BAIAP2L1: variants seen among roughly 807,000 people sequenced by gnomAD.
BAIAP2L1 encodes the protein BAR/IMD domain-containing adapter protein 2-like 1.
In BAIAP2L1, 35 loss-of-function variants were observed where a neutral mutation model predicts 66.3. The observed-to-expected ratio is 0.53, with a 90% CI of 0.40 to 0.70. The LOEUF is 0.70. Ranked by LOEUF, BAIAP2L1 falls within the 30% of genes least tolerant of loss-of-function variation. BAIAP2L1 has a pLI of 0.00. For synonymous variants in BAIAP2L1, 269 were observed against 248.7 expected, an observed-to-expected ratio of 1.08 and a Z score of -0.77; for missense variants, 622 against 656.9, an observed-to-expected ratio of 0.95 and a Z score of 0.58.
At position 98,305,033 on chromosome 7, in the gene BAIAP2L1, TTTTTTTG is replaced by T. The variant is rs1350908045; in HGVS notation, c.1242-664_1242-658del. Among the ~76,000 whole-genome samples the T allele has an allele frequency of 1.9e-3, 244 of 130,786 alleles. 1 individual carries two copies. Among genetic ancestry groups the T allele is most frequent in the Non-Finnish European group, 2.8e-3 (178 of 64,328 alleles). 85.8% of individuals were successfully genotyped at this position (130,786 alleles called of 152,430 possible). A position where few individuals can be genotyped will look rare whatever the true frequency, so the allele number is the denominator to read the frequency against. On this transcript the variant is annotated intron_variant, in intron 11 of 13. Coordinates refer to ENST00000005260, the MANE Select transcript of BAIAP2L1 (RefSeq NM_018842.5). The stretch of plus-strand genomic sequence containing the variant: ...GGCGCCTGCCACCACGCCCAGCTAA[TTTTTTTG>T]TTTTTTGTTTTTTTTTTTTTTTTTT...
intron 9 of BAIAP2L1, chr7:98,309,976 A>T (rs2116870310): frequency 6.4e-6 from 1 of 156,752 alleles, no homozygotes; most frequent in Admixed American, 6.5e-5. Context: ...CAGCCTCCCG[A>T]GTAGCTGGGA....
At chr7:98,343,380 G>A (rs1296498351) in intron 3 of BAIAP2L1, among the ~76,000 whole-genome samples, 1 of 152,094 alleles carries the variant, frequency 6.6e-6, no homozygotes, top group Non-Finnish European at 1.5e-5. Flanking sequence ...GAGCCCAGGA[G>A]GTGGAGCTTG....
chr7:98,368,262 A>C (rs1187011253), intron 1 of BAIAP2L1, among the ~76,000 whole-genome samples: 2 of 151,950 alleles, frequency 1.3e-5, no homozygotes, highest in African/African-American at 2.4e-5. Flanking sequence ...CTACTAAAAA[A>C]TACAAAAATT....
At chr7:98,300,119 CTGCCCTGTG>C (rs1256474504) in intron 12 of BAIAP2L1, among the ~76,000 whole-genome samples, 1 of 152,232 alleles carries the variant, frequency 6.6e-6, no homozygotes, top group Non-Finnish European at 1.5e-5. Flanking sequence ...AAGTGCTCTG[CTGCCCTGTG>C]TGCCCTGTGG....
At chr7:98,387,141 G>A (rs895132105) in intron 1 of BAIAP2L1, among the ~76,000 whole-genome samples, 2 of 152,160 alleles carry the variant, frequency 1.3e-5, no homozygotes, top group Non-Finnish European at 1.5e-5. Flanking sequence ...GCCAGCCCCC[G>A]CTGGGACAGA....
chr7:98,362,186 A>C lies in BAIAP2L1; in HGVS notation c.127+171T>G, dbSNP rs113145744. ...ACTTTCATTCAATTGACTTGTTTCA[A>C]ATACGCTAATATCATTGTGTACTGT... On this transcript the variant is annotated intron_variant, in intron 2 of 13. Coordinates refer to ENST00000005260, the MANE Select transcript of BAIAP2L1 (RefSeq NM_018842.5). Among the ~76,000 whole-genome samples the C allele has an allele frequency of 4.6e-3, 701 of 152,344 alleles. 11 individuals carry two copies. Among genetic ancestry groups the C allele is most frequent in the African/African-American group, 0.016 (661 of 41,574 alleles).
At chr7:98,383,341 T>C (rs955831531) in intron 1 of BAIAP2L1, among the ~76,000 whole-genome samples, 1 of 149,866 alleles carries the variant, frequency 6.7e-6, no homozygotes, top group East Asian at 2.0e-4. Context: ...TGGAGTGCAA[T>C]GGTGCGATCT....
Position 98,310,562 on chromosome 7 carries a change from A to C in BAIAP2L1, c.838T>G (p.Cys280Gly), listed in dbSNP as rs757083747. The C allele has an allele frequency of 1.3e-6, 2 of 1,592,036 alleles. No homozygotes were observed. The highest frequency in any genetic ancestry group is 4.5e-5 in the East Asian group (2 of 44,068). ...VRKDYDTLSKCSPKMPPAPSG... is the reference protein window; with the variant it reads ...VRKDYDTLSKGSPKMPPAPSG... The stretch of plus-strand genomic sequence containing the variant: ...GGAGCGGGGGGCATCTTTGGTGAGC[A>C]TTTAGAAAGGGTGTCGTAATCTTTC... Residue 280 changes from cysteine (C) to glycine (G), a missense_variant, in exon 9 of 14, where the codon TGC becomes GGC. Physicochemically the swap from Cys to Gly is radical, Grantham distance 159. Transcript: ENST00000005260.
At chr7:98,378,322 G>A (rs1050038021) in intron 1 of BAIAP2L1, among the ~76,000 whole-genome samples, 7 of 152,156 alleles carry the variant, frequency 4.6e-5, no homozygotes, top group Non-Finnish European at 7.4e-5. Flanking sequence ...ATAAGTGAAT[G>A]TCATCAGTGA....
intron 12 of BAIAP2L1, among the ~76,000 whole-genome samples, chr7:98,300,369 T>C (rs1191349262): frequency 6.6e-6 from 1 of 152,224 alleles, no homozygotes; most frequent in Non-Finnish European, 1.5e-5. Context: ...GGATGAAACG[T>C]GGTCACTTGT....
intron 1 of BAIAP2L1, among the ~76,000 whole-genome samples, chr7:98,390,843 G>GT (rs1048599916): frequency 1.3e-5 from 2 of 151,928 alleles, no homozygotes; most frequent in South Asian, 2.1e-4. Context: ...ATAAACACAA[G>GT]TTTTTTTGTT....
intron 3 of BAIAP2L1, among the ~76,000 whole-genome samples, chr7:98,344,309 A>G (rs975342515): frequency 1.3e-5 from 2 of 152,240 alleles, no homozygotes. Flanking sequence ...GTTTCAAATT[A>G]TATGTTAACT....
intron 3 of BAIAP2L1, among the ~76,000 whole-genome samples, chr7:98,345,615 C>A (rs1801854084): frequency 6.6e-6 from 1 of 151,958 alleles, no homozygotes; most frequent in South Asian, 2.1e-4. Flanking sequence ...GTCCCAGCTA[C>A]TCGGGAGGCT....
In BAIAP2L1 at chr7:98,293,383, T is replaced by G. The variant is rs568939734; in HGVS notation, c.*138A>C. ...CCCAACTACGTGAAACAGAGAAGCA[T>G]GATTTGCTTAAGCAGGCGACATTAG... On this transcript the variant is annotated 3_prime_UTR_variant, in exon 14 of 14. Transcript: ENST00000005260. 1 of 761,580 alleles carries G rather than the reference T, an allele frequency of 1.3e-6. No homozygotes were observed. The highest frequency in any genetic ancestry group is 2.2e-6 in the Non-Finnish European group (1 of 456,684). The allele number at this position is 761,580 out of a possible 1,614,324, so 47.2% of individuals were successfully genotyped here.
chr7:98,307,114 TTTTA>T (rs1800688821), intron 10 of BAIAP2L1: 1 of 158,658 alleles, frequency 6.3e-6, no homozygotes. Flanking sequence ...CAAATGCTAA[TTTTA>T]TTTATTTTTT....
intron 1 of BAIAP2L1, among the ~76,000 whole-genome samples, chr7:98,393,125 A>G (rs1326198624): frequency 1.3e-5 from 1 of 77,218 alleles, no homozygotes; most frequent in Non-Finnish European, 2.9e-5. Context: ...ACATATATGT[A>G]TATATACACA....
At position 98,397,318 on chromosome 7, in the gene BAIAP2L1, C is replaced by CTTTTTTTTTT. The variant is rs36101597; in HGVS notation, c.51+3474_51+3483dup. On this transcript the variant is annotated intron_variant, in intron 1 of 13. Coordinates refer to ENST00000005260, the MANE Select transcript of BAIAP2L1 (RefSeq NM_018842.5). Reference sequence around the variant, plus strand: ...CCGTTCTTCCTCCACTTCTTAAGCCCTTTTTTTTTTTTTTTTTTTTTTTTG... The same window carrying CTTTTTTTTTT: ...CCGTTCTTCCTCCACTTCTTAAGCCCTTTTTTTTTTTTTTTTTTTTTTTTTTTTTTTTTTG... Among the ~76,000 whole-genome samples the CTTTTTTTTTT allele has an allele frequency of 9.4e-5, 7 of 74,522 alleles. 1 individual carries two copies. The highest frequency in any genetic ancestry group is 3.3e-4 in the African/African-American group (6 of 18,396). The allele number at this position is 74,522 out of a possible 152,430, so 48.9% of individuals were successfully genotyped here.
intron 3 of BAIAP2L1, among the ~76,000 whole-genome samples, chr7:98,348,135 A>AT (rs1297912879): frequency 1.3e-5 from 2 of 152,088 alleles, no homozygotes; most frequent in East Asian, 3.9e-4. Context: ...TTAAAGTATA[A>AT]TAAAAAAAAG....
At chr7:98,366,036 C>T (rs1802383280) in intron 1 of BAIAP2L1, among the ~76,000 whole-genome samples, 1 of 152,144 alleles carries the variant, frequency 6.6e-6, no homozygotes, top group Admixed American at 6.5e-5. Flanking sequence ...AGGGTAGTGG[C>T]TGACTTGCTG....
Sources: allele counts gnomAD v4.1 joint callset (sites outside exome capture counted in the v4.1 genomes callset), GRCh38; gene constraint gnomAD v4.1.1; transcripts MANE v1.5; gene names NCBI Gene and HGNC (gene_info 2026-07-23, HGNC 2026-07-21).